ADD1: variants seen among roughly 807,000 people sequenced by gnomAD.
The protein encoded by ADD1 is adducin 1.
In ADD1, 24 loss-of-function variants were observed where a neutral mutation model predicts 80.5. The observed-to-expected ratio is 0.30, with a 90% CI of 0.22 to 0.42. The LOEUF (loss-of-function observed/expected upper bound fraction) is 0.42. Ranked by LOEUF, ADD1 falls within the 10% of genes least tolerant of loss-of-function variation. The pLI, the probability that ADD1 is intolerant of heterozygous loss-of-function variation, is 1.00. For missense variants in ADD1, 948 were observed against 1,019.0 expected, an observed-to-expected ratio of 0.93 and a Z score of 0.95; for synonymous variants, 373 against 393.8, an observed-to-expected ratio of 0.95 and a Z score of 0.63.
At chr4:2,880,872 A>G (rs80258568) in intron 2 of ADD1, among the ~76,000 whole-genome samples, 36,744 of 151,832 alleles carry the variant, frequency 0.24, 4,841 homozygotes, top group Non-Finnish European at 0.28. Flanking sequence ...TTCTATTAAA[A>G]TCACCATCAA....
chr4:2,896,037 G>A (rs58168444), intron 6 of ADD1, among the ~76,000 whole-genome samples: 5,617 of 143,588 alleles, frequency 0.039, 155 homozygotes, highest in African/African-American at 0.09. Flanking sequence ...ACAGGTGCCC[G>A]CCACCTCGCA....
At chr4:2,907,873 G>C (rs1320162864) in intron 11 of ADD1, 29 bp downstream of exon 11, 1 of 1,585,720 alleles carries the variant, frequency 6.3e-7, no homozygotes, top group Non-Finnish European at 8.7e-7. Context: ...CTCAGCGGGG[G>C]CTTGGGTGTG....
intron 14 of ADD1, among the ~76,000 whole-genome samples, chr4:2,925,434 T>C (rs561319435): frequency 6.6e-6 from 1 of 152,334 alleles, no homozygotes; most frequent in East Asian, 1.9e-4. Context: ...TTCCCCGAAA[T>C]GAGAAGTAGA....
chr4:2,885,661 G>C (rs1365433789), intron 4 of ADD1, among the ~76,000 whole-genome samples: 3 of 151,430 alleles, frequency 2.0e-5, no homozygotes, highest in Non-Finnish European at 2.9e-5. Context: ...CCAGGCTGGA[G>C]TGCAGTGGTG....
rs1577556267 is a variant in ADD1 at position 2,884,404 on chromosome 4, C to T, written c.359-111C>T. 8.9e-6 allele frequency: 7 copies of T among 787,050 alleles called. No homozygotes were observed. The East Asian group carries it at 1.9e-4, about 22-fold the overall frequency. 48.8% of individuals were successfully genotyped at this position (787,050 alleles called of 1,614,324 possible). On this transcript the variant is annotated intron_variant, in intron 3 of 15. Coordinates refer to ENST00000683351, the MANE Select transcript of ADD1 (RefSeq NM_001354761.2). Reference sequence around the variant, plus strand: ...TTCACAGCTGCTATCATAAGCACTACAGCCTCAAACTCATGGCTTCAAGTG... The same window carrying T: ...TTCACAGCTGCTATCATAAGCACTATAGCCTCAAACTCATGGCTTCAAGTG...
intron 1 of ADD1, among the ~76,000 whole-genome samples, chr4:2,855,383 C>T (rs915933376): frequency 5.9e-5 from 9 of 151,322 alleles, no homozygotes; most frequent in African/African-American, 2.2e-4. Flanking sequence ...GTCTTTTCTC[C>T]CCATGCTTGC....
rs145585349 is a variant in ADD1 at position 2,869,858 on chromosome 4, C to T, written c.-20-6038C>T. Among the ~76,000 whole-genome samples the T allele has an allele frequency of 1.2e-3, 182 of 152,260 alleles. 1 individual carries two copies. The highest frequency in any genetic ancestry group is 3.8e-3 in the Admixed American group (58 of 15,290). On this transcript the variant is annotated intron_variant, in intron 1 of 15. Coordinates refer to ENST00000683351, the MANE Select transcript of ADD1 (RefSeq NM_001354761.2). ...GACAATTCCAAAGGCTCTCTGGAGT[C>T]GGGTGCCAGGTGGCCAAGGACATTA...
chr4:2,898,503 A>G lies in ADD1; in HGVS notation c.956A>G (p.His319Arg). Residue 319 changes from histidine (H) to arginine (R), a missense_variant, in exon 8 of 16, where the codon CAT becomes CGT. Physicochemically the swap from His to Arg is conservative, Grantham distance 29. Transcript: ENST00000683351. ...ESVEEAFYYI[H>R]NLVVACEIQV... ...GTTGAGGAGGCCTTCTATTACATCC[A>G]TAACCTTGTGGTTGCCTGTGAGATC... 1.2e-6 allele frequency: 2 copies of G among 1,614,178 alleles called. No homozygotes were observed. Among genetic ancestry groups the G allele is most frequent in the Non-Finnish European group, 1.7e-6 (2 of 1,180,026 alleles).
chr4:2,853,472 C>T (rs1727621115), intron 1 of ADD1, among the ~76,000 whole-genome samples: 1 of 152,012 alleles, frequency 6.6e-6, no homozygotes, highest in Non-Finnish European at 1.5e-5. Flanking sequence ...CCAATAGTTT[C>T]CAACTGTAAT....
At chr4:2,852,762 G>T (rs534999180) in intron 1 of ADD1, among the ~76,000 whole-genome samples, 1 of 147,676 alleles carries the variant, frequency 6.8e-6, no homozygotes, top group African/African-American at 2.5e-5. Context: ...GCAGCGGTGC[G>T]ATCTTGGCTC....
chr4:2,858,291 A>G (rs926769022), intron 1 of ADD1, among the ~76,000 whole-genome samples: 4 of 152,242 alleles, frequency 2.6e-5, no homozygotes, highest in African/African-American at 7.2e-5. Flanking sequence ...GCTACCACTT[A>G]CTGTTTACTA....
chr4:2,905,192 C>T (rs927451015), intron 10 of ADD1, 84 bp downstream of exon 10: 13 of 1,328,462 alleles, frequency 9.8e-6, no homozygotes, highest in Non-Finnish European at 8.5e-6. Context: ...GGAATCCAGC[C>T]TTTCTGACCC....
chr4:2,890,258 T>C (rs1370599821), intron 4 of ADD1, among the ~76,000 whole-genome samples: 1 of 151,284 alleles, frequency 6.6e-6, no homozygotes, highest in Non-Finnish European at 1.5e-5. Context: ...GACAAACCAG[T>C]ATAAAATGGA....
chr4:2,875,906 A>G lies in ADD1; in HGVS notation c.-10A>G. The G allele has an allele frequency of 1.9e-6, 3 of 1,577,846 alleles. No homozygotes were observed. Among genetic ancestry groups the G allele is most frequent in the Non-Finnish European group, 2.6e-6 (3 of 1,164,756 alleles). ...ATTTTGATTCTGTAGGAACCTAGAA[A>G]GATTGTACAATGAATGGTGATTCTC... On this transcript the variant is annotated 5_prime_UTR_variant, in exon 2 of 16. Transcript: ENST00000683351.
chr4:2,923,607 A>G (rs923627394), intron 14 of ADD1, among the ~76,000 whole-genome samples: 1 of 152,204 alleles, frequency 6.6e-6, no homozygotes, highest in Non-Finnish European at 1.5e-5. Context: ...TCACCCTGAC[A>G]TTTGTCTCTT....
intron 1 of ADD1, among the ~76,000 whole-genome samples, chr4:2,852,074 G>A (rs943448573): frequency 2.0e-5 from 3 of 152,022 alleles, no homozygotes; most frequent in Non-Finnish European, 2.9e-5. Flanking sequence ...GACCTCAGGT[G>A]ATCTGCCCGC....
At chr4:2,882,387 C>G (rs993999536) in intron 3 of ADD1, among the ~76,000 whole-genome samples, 1 of 152,200 alleles carries the variant, frequency 6.6e-6, no homozygotes, top group Non-Finnish European at 1.5e-5. Flanking sequence ...GCCTGGCCAG[C>G]ATTTCTTACC....
chr4:2,895,796 T>C (rs879719589), intron 6 of ADD1, among the ~76,000 whole-genome samples: 3 of 152,222 alleles, frequency 2.0e-5, no homozygotes, highest in Non-Finnish European at 4.4e-5. Context: ...GAAAGCACAG[T>C]ACTTGAGAAG....
In ADD1 at chr4:2,894,582, G is replaced by A; in HGVS notation, c.592G>A (p.Val198Ile). The A allele has an allele frequency of 1.3e-6, 2 of 1,591,940 alleles. No individual in the cohort carries two copies. The highest frequency in any genetic ancestry group is 1.7e-6 in the Non-Finnish European group (2 of 1,173,334). Residue 198 changes from valine (V) to isoleucine (I), a missense_variant and splice_region_variant, in exon 6 of 16, where the codon GTT (valine) becomes ATT (isoleucine). By Grantham distance (29) the Val-to-Ile change is conservative (BLOSUM62 3). Transcript: ENST00000683351. ...TACATTTTTATTTTTTTATTTTCAGGTTAAGATCAATCTACAAGGAGATAT... is the reference window on the plus strand; with the variant it reads ...TACATTTTTATTTTTTTATTTTCAGATTAAGATCAATCTACAAGGAGATAT... ...LYSEVTASSL[V>I]KINLQGDIVD... is the part of the protein sequence containing the mutation.
Sources: gnomAD v4.1 joint callset for allele counts (sites outside exome capture counted in the v4.1 genomes callset) on GRCh38, gnomAD v4.1.1 for gene constraint, MANE v1.5 for transcripts, NCBI Gene and HGNC (gene_info 2026-07-23, HGNC 2026-07-21) for gene names.